The following NFE2L3 variants were observed in gnomAD, a reference collection of about 807,000 sequenced individuals.
NFE2L3 encodes the protein NFE2 like bZIP transcription factor 3.
In NFE2L3, 18 loss-of-function variants were observed where a neutral mutation model predicts 23.5. That is an observed-to-expected ratio of 0.77 (90% CI 0.53 to 1.13). The LOEUF (loss-of-function observed/expected upper bound fraction) is 1.13. NFE2L3 is among the 50% of genes most tolerant of loss of function. NFE2L3 has a pLI of 0.00. For missense variants in NFE2L3, 1,152 were observed against 877.2 expected, an observed-to-expected ratio of 1.31 and a Z score of -3.96; for synonymous variants, 424 against 354.5, an observed-to-expected ratio of 1.20 and a Z score of -2.20.
chr7:26,177,890 A>T, intron 1 of NFE2L3, 53 bp from the exon 2 acceptor site: 1 of 1,485,950 alleles, frequency 6.7e-7, no homozygotes. Flanking sequence ...CAATAAGCAC[A>T]ATGCAGTTTT....
chr7:26,183,296 C>T (rs1339912333), intron 2 of NFE2L3, among the ~76,000 whole-genome samples: 1 of 152,000 alleles, frequency 6.6e-6, no homozygotes, highest in Non-Finnish European at 1.5e-5. Context: ...GTCTGTAATC[C>T]CAGCACTTTG....
At chr7:26,167,481 A>G (rs2128098495) in intron 1 of NFE2L3, among the ~76,000 whole-genome samples, 1 of 152,062 alleles carries the variant, frequency 6.6e-6, no homozygotes, top group East Asian at 1.9e-4. Flanking sequence ...TAAGGGCCCC[A>G]GCTCACAAGT....
intron 1 of NFE2L3, among the ~76,000 whole-genome samples, chr7:26,156,362 G>T (rs939973005): frequency 2.0e-5 from 3 of 152,168 alleles, no homozygotes; most frequent in African/African-American, 4.8e-5. Flanking sequence ...GATAATTCCG[G>T]TGGCTTACAT....
Position 26,183,770 on chromosome 7 carries a change from G to C in NFE2L3, c.820G>C (p.Glu274Gln), listed in dbSNP as rs919723261. 35 of 1,611,966 alleles carry C rather than the reference G, an allele frequency of 2.2e-5. No individual in the cohort carries two copies. Among genetic ancestry groups the C allele is most frequent in the Non-Finnish European group, 2.5e-5 (30 of 1,178,150 alleles). Residue 274 changes from glutamate (E) to glutamine (Q), a missense_variant, in exon 3 of 4, where the codon GAA becomes CAA. Transcript: ENST00000056233. The part of the protein sequence containing the change: ...DLFQLLSSQP[E>Q]NSLEGISLGD... ...ATTCCAGTTGCTTTCATCACAGCCT[G>C]AAAATTCACTGGAGGTAATTGGAAC... is the stretch of plus-strand genomic sequence containing the variant.
chr7:26,181,778 G>GA (rs997175769), intron 2 of NFE2L3, among the ~76,000 whole-genome samples: 5 of 151,852 alleles, frequency 3.3e-5, no homozygotes, highest in Non-Finnish European at 5.9e-5. Context: ...AGACTATCAT[G>GA]AAAAAAGAAA....
At chr7:26,153,158 T>C in intron 1 of NFE2L3, 90 bp downstream of exon 1, 1 of 1,295,496 alleles carries the variant, frequency 7.7e-7, no homozygotes, top group Non-Finnish European at 1.0e-6. Flanking sequence ...GGGGCCACTC[T>C]CGCTGTGTCC....
rs1449045179 is a variant in NFE2L3, at chr7:26,153,172, C to T, written c.570+104C>T. 6.9e-6 allele frequency: 8 copies of T among 1,165,130 alleles called. No homozygotes were observed. The African/African-American group carries it at 8.2e-5, about 12-fold the overall frequency. The allele number at this position is 1,165,130 out of a possible 1,614,324, so 72.2% of individuals were successfully genotyped here. On this transcript the variant is annotated intron_variant, in intron 1 of 3. Transcript: ENST00000056233. ...AGGGGCCACTCTCGCTGTGTCCTGG[C>T]ACCCTTAGCCCCTGGTCTTTGCAGG...
intron 1 of NFE2L3, among the ~76,000 whole-genome samples, chr7:26,175,247 C>G (rs924787184): frequency 2.0e-5 from 3 of 151,110 alleles, no homozygotes; most frequent in African/African-American, 7.3e-5. Flanking sequence ...GTAGTCCCAG[C>G]TACTTGGGAG....
At chr7:26,156,998 G>A (rs953526466) in intron 1 of NFE2L3, among the ~76,000 whole-genome samples, 4 of 152,120 alleles carry the variant, frequency 2.6e-5, no homozygotes, top group Non-Finnish European at 5.9e-5. Flanking sequence ...TGTAGTCCCA[G>A]CTACTCGGGA....
Position 26,183,680 on chromosome 7 carries a change from ACT to A in NFE2L3, c.751-20_751-19del. 2 of 1,508,362 alleles carry A rather than the reference ACT, an allele frequency of 1.3e-6. No individual in the cohort carries two copies. Among genetic ancestry groups the A allele is most frequent in the Non-Finnish European group, 1.8e-6 (2 of 1,083,960 alleles). 93.4% of individuals were successfully genotyped at this position (1,508,362 alleles called of 1,614,324 possible). ...GTTCAGTCTTTTATGTGAAAGATGCACTTTTTGTGTTTCTCTACAGAGACATC... is the reference window on the plus strand; with the variant it reads ...GTTCAGTCTTTTATGTGAAAGATGCATTTTGTGTTTCTCTACAGAGACATC... On this transcript the variant is annotated intron_variant, in intron 2 of 3. Coordinates refer to ENST00000056233, the MANE Select transcript of NFE2L3 (RefSeq NM_004289.7).
At position 26,177,952 on chromosome 7, in the gene NFE2L3, G is replaced by A. The variant is rs781504351; in HGVS notation, c.580G>A (p.Val194Ile). The A allele has an allele frequency of 1.2e-6, 2 of 1,612,248 alleles. No homozygotes were observed. The highest frequency in any genetic ancestry group is 3.4e-5 in the Admixed American group (2 of 59,584). ...TTTCGTACTTTTATAGGAGAATGGG[G>A]TACTAAGAGAAAAGCACGAAGCTGT... is the stretch of plus-strand genomic sequence containing the variant. The part of the protein sequence containing the change: ...AGGCASEENG[V>I]LREKHEAVDH... The change falls in exon 2 of 4, where the codon GTA (valine) becomes ATA (isoleucine). Residue 194 changes from valine to isoleucine, a missense_variant. By Grantham distance (29) the Val-to-Ile change is conservative. Transcript: ENST00000056233.
In NFE2L3 at chr7:26,185,595, A is replaced by G. The variant is rs1423208471; in HGVS notation, c.1897A>G (p.Ile633Val). Residue 633 changes from isoleucine (I) to valine (V), a missense_variant, in exon 4 of 4, where the codon ATA (isoleucine) becomes GTA (valine). Physicochemically the swap from Ile to Val is conservative, Grantham distance 29. Coordinates refer to ENST00000056233, the MANE Select transcript of NFE2L3 (RefSeq NM_004289.7). The part of the protein sequence containing the change: ...EQAQCNKAIN[I>V]MKQKLHDLYH... ...AGCACAATGTAACAAAGCTATTAAC[A>G]TAATGAAACAGAAACTGCATGACCT... 2 of 1,613,846 alleles carry G rather than the reference A, an allele frequency of 1.2e-6. No individual in the cohort carries two copies. The highest frequency in any genetic ancestry group is 1.3e-5 in the African/African-American group (1 of 75,050).
At position 26,184,678 on chromosome 7, in the gene NFE2L3, T is replaced by A; in HGVS notation, c.980T>A (p.Phe327Tyr). 1 of 1,613,872 alleles carries A rather than the reference T, an allele frequency of 6.2e-7. No homozygotes were observed. The highest frequency in any genetic ancestry group is 8.5e-7 in the Non-Finnish European group (1 of 1,179,852). ...EAILLCPNNT[F>Y]RRDPTARTSQ... Reference sequence around the variant, plus strand: ...ATCTTGCTTTGTCCCAACAATACATTTAGAAGAGATCCAACAGCAAGGACT... The same window carrying A: ...ATCTTGCTTTGTCCCAACAATACATATAGAAGAGATCCAACAGCAAGGACT... Residue 327 changes from phenylalanine to tyrosine, a missense_variant, in exon 4 of 4, where the codon TTT becomes TAT. Physicochemically the swap from Phe to Tyr is conservative, Grantham distance 22. Coordinates refer to ENST00000056233, the MANE Select transcript of NFE2L3 (RefSeq NM_004289.7).
At chr7:26,168,611 C>T (rs1406591579) in intron 1 of NFE2L3, among the ~76,000 whole-genome samples, 1 of 150,148 alleles carries the variant, frequency 6.7e-6, no homozygotes, top group Admixed American at 6.7e-5. Flanking sequence ...ATTTCTTTAT[C>T]CACTCATTGA....
chr7:26,175,476 T>G (rs1346794701), intron 1 of NFE2L3, among the ~76,000 whole-genome samples: 1 of 152,098 alleles, frequency 6.6e-6, no homozygotes, highest in South Asian at 2.1e-4. Context: ...CCAGAATTAA[T>G]AGTTTATAAT....
chr7:26,153,678 T>C (rs866216298), intron 1 of NFE2L3, among the ~76,000 whole-genome samples: 22 of 152,328 alleles, frequency 1.4e-4, no homozygotes, highest in African/African-American at 5.3e-4. Context: ...TGTAACCTCT[T>C]ATTAGCATAA....
chr7:26,156,491 C>T (rs946751195), intron 1 of NFE2L3, among the ~76,000 whole-genome samples: 11 of 152,152 alleles, frequency 7.2e-5, no homozygotes, highest in African/African-American at 1.2e-4. Context: ...TCACTTCTTA[C>T]TGGGGCTTAT....
At chr7:26,177,364 A>C (rs1335461668) in intron 1 of NFE2L3, among the ~76,000 whole-genome samples, 1 of 152,252 alleles carries the variant, frequency 6.6e-6, no homozygotes, top group African/African-American at 2.4e-5. Context: ...CGGGAGGCCG[A>C]GGCGGGCAGA....
intron 3 of NFE2L3, 58 bp downstream of exon 3, chr7:26,183,842 GAACAAATAC>G: frequency 9.2e-7 from 1 of 1,088,230 alleles, no homozygotes; most frequent in Non-Finnish European, 1.4e-6. Context: ...ACCTTTTGGT[GAACAAATAC>G]AACTCCTTTA....
Sources: gnomAD v4.1 joint callset for allele counts (sites outside exome capture counted in the v4.1 genomes callset) on GRCh38, gnomAD v4.1.1 for gene constraint, MANE v1.5 for transcripts, NCBI Gene and HGNC (gene_info 2026-07-23, HGNC 2026-07-21) for gene names.